Variants in ZNF829 observed in about 807,000 individuals in gnomAD.
ZNF829 encodes zinc finger protein 829.
Under a neutral mutation model 35.2 loss-of-function variants are expected in ZNF829, and 25 were observed. The ratio of observed to expected loss-of-function variants is 0.71; its 90% CI spans 0.52 to 0.99. ZNF829 has a LOEUF of 0.99. Among genes scored for constraint, ZNF829 ranks in the 50% least tolerant of loss-of-function variants. The probability of loss-of-function intolerance (pLI) is 0.00; values close to 1 mark genes in which losing one functional copy is unlikely to be tolerated. For missense variants in ZNF829, 417 were observed against 515.3 expected, an observed-to-expected ratio of 0.81 and a Z score of 1.85; for synonymous variants, 136 against 163.2, an observed-to-expected ratio of 0.83 and a Z score of 1.27.
chr19:36,908,222 AG>A (rs2073235019), intron 4 of ZNF829, 110 bp downstream of exon 4: 1 of 1,438,942 alleles, frequency 6.9e-7, no homozygotes, highest in Non-Finnish European at 9.4e-7. Context: ...ACCATTCCTT[AG>A]GGAACAGGGA....
At chr19:36,909,542 C>G (rs1001453134) in intron 3 of ZNF829, among the ~76,000 whole-genome samples, 1 of 152,118 alleles carries the variant, frequency 6.6e-6, no homozygotes, top group African/African-American at 2.4e-5. Flanking sequence ...AGCATGGTGG[C>G]TCATGCCTGT....
At chr19:36,895,954 G>A (rs138867052) in intron 5 of ZNF829, among the ~76,000 whole-genome samples, 87 of 152,174 alleles carry the variant, frequency 5.7e-4, no homozygotes, top group African/African-American at 2.0e-3. Flanking sequence ...ATCACTTGAG[G>A]TCAGGAGTTC....
intron 5 of ZNF829, chr19:36,901,932 C>T (rs369697141): frequency 1.3e-6 from 1 of 762,316 alleles, no homozygotes; most frequent in Admixed American, 1.7e-5. Flanking sequence ...GATGTGCGCA[C>T]TGATACCAGG....
At chr19:36,912,233 G>A (rs756692430) in intron 3 of ZNF829, among the ~76,000 whole-genome samples, 53 of 152,244 alleles carry the variant, frequency 3.5e-4, no homozygotes, top group Non-Finnish European at 4.6e-4. Flanking sequence ...TATTATTACA[G>A]TGAACTAGAG....
rs556914895 is a variant in ZNF829, at chr19:36,888,701, G to A, written c.*2791C>T. 6.6e-6 allele frequency: 1 copy of A among 150,694 alleles called. No homozygotes were observed. Among genetic ancestry groups the A allele is most frequent in the Admixed American group, 6.6e-5 (1 of 15,118 alleles). 9.3% of individuals were successfully genotyped at this position (150,694 alleles called of 1,614,324 possible). A position where few individuals can be genotyped will look rare whatever the true frequency, so the allele number is the denominator to read the frequency against. On this transcript the variant is annotated 3_prime_UTR_variant, in exon 6 of 6. Coordinates refer to ENST00000391711, the MANE Select transcript of ZNF829 (RefSeq NM_001037232.4). Reference sequence around the variant, plus strand: ...CTTGTACTAAATAGGATTTTTTTTGGTTTTTTTTTGAGATGGAGTCTGGCT... The same window carrying A: ...CTTGTACTAAATAGGATTTTTTTTGATTTTTTTTTGAGATGGAGTCTGGCT...
chr19:36,892,445 T>C lies in ZNF829; in HGVS notation c.346A>G (p.Ile116Val). Residue 116 changes from isoleucine (I) to valine (V), a missense_variant, in exon 6 of 6, where the codon ATA becomes GTA. Transcript: ENST00000391711. ...AAATGTCTCTTCTTTAGAGATAATA[T>C]TTTGGTCTCACACATTGATTCCAGA... is the stretch of plus-strand genomic sequence containing the variant. ...SDLESMCETKILSLKKRHFSQ... is the reference protein window; with the variant it reads ...SDLESMCETKVLSLKKRHFSQ... 6.3e-7 allele frequency: 1 copy of C among 1,595,942 alleles called. No homozygotes were observed. Among genetic ancestry groups the C allele is most frequent in the Non-Finnish European group, 8.5e-7 (1 of 1,175,298 alleles).
At chr19:36,902,714 T>G (rs188102074) in intron 5 of ZNF829, among the ~76,000 whole-genome samples, 1 of 150,612 alleles carries the variant, frequency 6.6e-6, no homozygotes, top group East Asian at 2.0e-4. Flanking sequence ...CAAATCAAAT[T>G]ATAGTTCTGT....
intron 5 of ZNF829, chr19:36,907,365 T>G (rs2073227054): frequency 1.3e-5 from 2 of 152,010 alleles, no homozygotes; most frequent in Admixed American, 1.3e-4. Flanking sequence ...GGCTGGTGAT[T>G]GGGAAGGGGC....
chr19:36,901,552 G>A (rs556310492), intron 5 of ZNF829, among the ~76,000 whole-genome samples: 62 of 152,250 alleles, frequency 4.1e-4, no homozygotes, highest in African/African-American at 1.5e-3. Context: ...TTAAAGGAGT[G>A]CTACTCTGGT....
In ZNF829 at chr19:36,889,695, C is replaced by T. The variant is rs2073032401; in HGVS notation, c.*1797G>A. On this transcript the variant is annotated 3_prime_UTR_variant, in exon 6 of 6. Coordinates refer to ENST00000391711, the MANE Select transcript of ZNF829 (RefSeq NM_001037232.4). ...TTGGTTAATCTAGCTAGTGGTCTGT[C>T]AGTTTTATCTTTGCAAAGAACCAAC... The T allele has an allele frequency of 6.6e-6, 1 of 152,072 alleles. No homozygotes were observed. The allele number at this position is 152,072 out of a possible 1,614,324, so 9.4% of individuals were successfully genotyped here.
chr19:36,901,604 A>G (rs983024385), intron 5 of ZNF829: 13 of 227,374 alleles, frequency 5.7e-5, no homozygotes, highest in Middle Eastern at 1.6e-3. Context: ...AATAAAGAAT[A>G]AGATAGCAAA....
rs769766188 is a variant in ZNF829, at chr19:36,907,976, T to C, written c.272A>G (p.Lys91Arg). 1 of 1,614,010 alleles carries C rather than the reference T, an allele frequency of 6.2e-7. No individual in the cohort carries two copies. The highest frequency in any genetic ancestry group is 8.5e-7 in the Non-Finnish European group (1 of 1,179,940). The change falls in exon 5 of 6, where the codon AAA becomes AGA. Residue 91 changes from lysine (K) to arginine (R), a missense_variant. Lys to Arg is a conservative substitution (Grantham distance 26). Transcript: ENST00000391711. ...CTCTCTATCAACCATCCAGGGCTCT[T>C]TTCCTTGTTCCAATAAGGAGATCAC... is the stretch of plus-strand genomic sequence containing the variant. ...PAVISLLEQG[K>R]EPWMVDRELT...
At chr19:36,899,832 T>C (rs905540508) in intron 5 of ZNF829, among the ~76,000 whole-genome samples, 1 of 151,752 alleles carries the variant, frequency 6.6e-6, no homozygotes, top group African/African-American at 2.4e-5. Context: ...TATTTCAATA[T>C]GTATGTGTAT....
chr19:36,903,351 GTAA>G (rs2073187891), intron 5 of ZNF829, among the ~76,000 whole-genome samples: 2 of 152,114 alleles, frequency 1.3e-5, no homozygotes. Context: ...TGGGTCAAGG[GTAA>G]TTTTAGTTAT....
Position 36,908,360 on chromosome 19 carries a change from CCAA to C in ZNF829, c.193_195del (p.Leu65del). The C allele has an allele frequency of 6.2e-7, 1 of 1,613,474 alleles. No homozygotes were observed. The highest frequency in any genetic ancestry group is 1.3e-5 in the African/African-American group (1 of 75,014). On this transcript the variant is annotated inframe_deletion, in exon 4 of 6. Transcript: ENST00000391711. ...ACTGAAACCAGGTTGCTGAAATTCT[CCAA>C]CATCACTTCTTTGTATAAATTCATC...
intron 3 of ZNF829, among the ~76,000 whole-genome samples, chr19:36,913,686 G>A (rs555511968): frequency 1.4e-4 from 22 of 152,180 alleles, no homozygotes; most frequent in Admixed American, 1.2e-3. Context: ...TGATACGGGG[G>A]CTTTTTGAAG....
chr19:36,900,145 A>AAAACACACAC (rs1489365490), intron 5 of ZNF829, among the ~76,000 whole-genome samples: 6 of 120,446 alleles, frequency 5.0e-5, no homozygotes, highest in African/African-American at 2.0e-4. Context: ...GTCTCTACTA[A>AAAACACACAC]ACACACACAC....
rs1485603034 is a variant in ZNF829, at chr19:36,889,109, A to G, written c.*2383T>C. 1 of 152,098 alleles carries G rather than the reference A, an allele frequency of 6.6e-6. No homozygotes were observed. Among genetic ancestry groups the G allele is most frequent in the Non-Finnish European group, 1.5e-5 (1 of 68,016 alleles). The allele number at this position is 152,098 out of a possible 1,614,324, so 9.4% of individuals were successfully genotyped here. A position where few individuals can be genotyped will look rare whatever the true frequency, so the allele number is the denominator to read the frequency against. ...TGTGATGAATCATGTATTGAGTTGC[A>G]TATGTTGAGCCATCCTTACACCCCA... is the stretch of plus-strand genomic sequence containing the variant. On this transcript the variant is annotated 3_prime_UTR_variant, in exon 6 of 6. Transcript: ENST00000391711.
chr19:36,914,607 G>C (rs541535067), intron 3 of ZNF829, among the ~76,000 whole-genome samples: 2 of 152,094 alleles, frequency 1.3e-5, no homozygotes, highest in Non-Finnish European at 2.9e-5. Context: ...TATTTCCCAA[G>C]ACCATTTGAT....
Sources: allele counts gnomAD v4.1 joint callset (sites outside exome capture counted in the v4.1 genomes callset), GRCh38; gene constraint gnomAD v4.1.1; transcripts MANE v1.5; gene names NCBI Gene and HGNC (gene_info 2026-07-23, HGNC 2026-07-21).